Variants in SIPA1L2 observed in about 807,000 individuals in gnomAD.
SIPA1L2 encodes signal-induced proliferation-associated 1-like protein 2.
Under a neutral mutation model 163.9 loss-of-function variants are expected in SIPA1L2, and 56 were observed. The ratio of observed to expected loss-of-function variants is 0.34; its 90% CI spans 0.28 to 0.43. The LOEUF (loss-of-function observed/expected upper bound fraction) is 0.43, where lower values mean the gene tolerates loss of function less well. SIPA1L2 is among the 20% of genes least tolerant of loss of function. The pLI is 1.00. For missense variants in SIPA1L2, 1,974 were observed against 2,193.5 expected, an observed-to-expected ratio of 0.90 and a Z score of 2.00; for synonymous variants, 877 against 865.7, an observed-to-expected ratio of 1.01 and a Z score of -0.23.
intron 2 of SIPA1L2, among the ~76,000 whole-genome samples, chr1:232,533,456 C>G (rs1376438327): frequency 6.6e-6 from 1 of 152,210 alleles, no homozygotes; most frequent in Non-Finnish European, 1.5e-5. Context: ...GGGCAATGAT[C>G]TCTACAGAAA....
intron 10 of SIPA1L2, among the ~76,000 whole-genome samples, chr1:232,459,304 C>T (rs1055202038): frequency 1.3e-5 from 2 of 152,094 alleles, no homozygotes; most frequent in Non-Finnish European, 2.9e-5. Flanking sequence ...TGGTTTGTGG[C>T]TACTGCTCTG....
chr1:232,529,109 A>G (rs536535846), intron 2 of SIPA1L2, among the ~76,000 whole-genome samples: 4 of 152,300 alleles, frequency 2.6e-5, no homozygotes, highest in South Asian at 4.1e-4. Flanking sequence ...TGTTCTTTAT[A>G]CTTTTTATTT....
chr1:232,464,750 TA>T, intron 9 of SIPA1L2, 89 bp downstream of exon 9: 1 of 1,038,304 alleles, frequency 9.6e-7, no homozygotes, highest in Non-Finnish European at 1.4e-6. Flanking sequence ...CTAATTGGTA[TA>T]ATCATGGTAG....
At chr1:232,567,638 T>C (rs1230135665) in intron 2 of SIPA1L2, among the ~76,000 whole-genome samples, 3 of 152,252 alleles carry the variant, frequency 2.0e-5, no homozygotes, top group African/African-American at 7.2e-5. Flanking sequence ...ACCAGCGTAT[T>C]GGACTGTGAT....
Position 232,398,092 on chromosome 1 carries a change from C to T in SIPA1L2, c.*1035G>A, listed in dbSNP as rs1271154206. 6.6e-6 allele frequency: 1 copy of T among 152,652 alleles called. No individual in the cohort carries two copies. The highest frequency in any genetic ancestry group is 1.9e-4 in the East Asian group (1 of 5,196). 9.5% of individuals were successfully genotyped at this position (152,652 alleles called of 1,614,324 possible). On this transcript the variant is annotated 3_prime_UTR_variant, in exon 23 of 23. Transcript: ENST00000674635. The stretch of plus-strand genomic sequence containing the variant: ...ACTAGCAGCATCCAGTCGTTAGAAT[C>T]TCTCACCCTGCTTCTCGGTCTGATC...
At chr1:232,548,572 A>T (rs1658186087) in intron 2 of SIPA1L2, among the ~76,000 whole-genome samples, 1 of 152,204 alleles carries the variant, frequency 6.6e-6, no homozygotes, top group Non-Finnish European at 1.5e-5. Flanking sequence ...GTACTAATAA[A>T]TTCAATCAAT....
intron 2 of SIPA1L2, among the ~76,000 whole-genome samples, chr1:232,534,231 G>A (rs1294346971): frequency 1.3e-5 from 2 of 152,134 alleles, no homozygotes; most frequent in African/African-American, 4.8e-5. Flanking sequence ...CCAGAAGTAA[G>A]CCCTCACATG....
At chr1:232,470,042 T>C (rs528085292) in intron 8 of SIPA1L2, among the ~76,000 whole-genome samples, 56 of 152,202 alleles carry the variant, frequency 3.7e-4, no homozygotes, top group African/African-American at 1.3e-3. Context: ...GATAAAGCCT[T>C]ATACTTCAGT....
chr1:232,483,275 CA>C (rs1330402087), intron 6 of SIPA1L2, among the ~76,000 whole-genome samples: 4 of 149,244 alleles, frequency 2.7e-5, no homozygotes, highest in Non-Finnish European at 5.9e-5. Flanking sequence ...ATTTTAGATC[CA>C]GGGGGTACAT....
chr1:232,493,206 T>C (rs1000248482), intron 4 of SIPA1L2, among the ~76,000 whole-genome samples: 5 of 152,148 alleles, frequency 3.3e-5, no homozygotes, highest in African/African-American at 1.2e-4. Context: ...GTAAGTTTCT[T>C]GAGGCCTCCC....
At chr1:232,436,214 G>A (rs769629154) in intron 15 of SIPA1L2, among the ~76,000 whole-genome samples, 16 of 152,148 alleles carry the variant, frequency 1.1e-4, no homozygotes, top group Non-Finnish European at 1.8e-4. Flanking sequence ...TCAGATGCCT[G>A]CCATGTGCAC....
At chr1:232,428,660 C>G in intron 16 of SIPA1L2, 96 bp from the exon 17 acceptor site, 1 of 878,078 alleles carries the variant, frequency 1.1e-6, no homozygotes, top group Non-Finnish European at 1.6e-6. Flanking sequence ...CAGCCACAAA[C>G]GCATACAAAC....
In SIPA1L2 at chr1:232,465,123, T is replaced by C; in HGVS notation, c.2537A>G (p.Asp846Gly). ...KKKEKVKPRK[D>G]AHLFSIGAIM... ...GGCCCCAATGCTAAACAAGTGGGCATCCTTCCTTGGCTTTACCTTCTCCTT... is the reference window on the plus strand; with the variant it reads ...GGCCCCAATGCTAAACAAGTGGGCACCCTTCCTTGGCTTTACCTTCTCCTT... Residue 846 changes from aspartate to glycine, a missense_variant, in exon 9 of 23, where the codon GAT becomes GGT. Transcript: ENST00000674635. This position sits in a 1 kb window ranked among gnomAD's most constrained non-coding sequence, Gnocchi z 4.1. 3.1e-6 allele frequency: 5 copies of C among 1,614,196 alleles called. No homozygotes were observed. The highest frequency in any genetic ancestry group is 4.2e-6 in the Non-Finnish European group (5 of 1,180,036).
chr1:232,496,096 T>C (rs956474785), intron 3 of SIPA1L2, among the ~76,000 whole-genome samples: 1 of 152,252 alleles, frequency 6.6e-6, no homozygotes, highest in African/African-American at 2.4e-5. Flanking sequence ...ATTAACTCAC[T>C]ACTCAATCAC....
Position 232,593,332 on chromosome 1 carries a change from G to T in SIPA1L2, c.-318-19110C>A, listed in dbSNP as rs574217855. ...ATTTCCTGAGTCCTTTCTGCAGCCT[G>T]GGAGAAAGGCTGGGGTGAGGAACCC... is the stretch of plus-strand genomic sequence containing the variant. On this transcript the variant is annotated intron_variant, in intron 1 of 22. Transcript: ENST00000674635. 3.3e-5 allele frequency among the ~76,000 whole-genome samples: 5 copies of T among 152,232 alleles called. No homozygotes were observed. The South Asian group carries it at 1.0e-3, about 32-fold the overall frequency.
chr1:232,525,624 GGCT>G lies in SIPA1L2; in HGVS notation c.-269-10019_-269-10017del, dbSNP rs367677073. The stretch of plus-strand genomic sequence containing the variant: ...CCACGAGACGCTTGGTGCACTGCAA[GGCT>G]GCTCATGTCGTAGACAGCACAAAAG... On this transcript the variant is annotated intron_variant, in intron 2 of 22. Transcript: ENST00000674635. 1.3e-3 allele frequency among the ~76,000 whole-genome samples: 200 copies of G among 152,106 alleles called. 1 individual carries two copies. The highest frequency in any genetic ancestry group is 2.4e-3 in the Non-Finnish European group (161 of 68,006).
At chr1:232,622,594 T>A (rs1662871560) in intron 1 of SIPA1L2, among the ~76,000 whole-genome samples, 1 of 152,124 alleles carries the variant, frequency 6.6e-6, no homozygotes, top group African/African-American at 2.4e-5. Context: ...AAGGTGTGAA[T>A]CATACTCTCT....
At chr1:232,455,605 C>T (rs565158482) in intron 10 of SIPA1L2, among the ~76,000 whole-genome samples, 34 of 142,222 alleles carry the variant, frequency 2.4e-4, no homozygotes, top group African/African-American at 7.1e-4. Context: ...GGCGTGAACC[C>T]GTGAGGCGGA....
intron 3 of SIPA1L2, among the ~76,000 whole-genome samples, chr1:232,494,238 G>C (rs1666067018): frequency 1.3e-5 from 2 of 152,154 alleles, no homozygotes; most frequent in Non-Finnish European, 1.5e-5. Flanking sequence ...ATACACAAAA[G>C]GTCAGTTAGT....
Sources: gnomAD v4.1 joint callset for allele counts (sites outside exome capture counted in the v4.1 genomes callset) on GRCh38, gnomAD v4.1.1 for gene constraint, Gnocchi (gnomAD v3.1) non-coding constraint, MANE v1.5 for transcripts, NCBI Gene and HGNC (gene_info 2026-07-23, HGNC 2026-07-21) for gene names.